Variants in RALGAPA2 observed in about 807,000 individuals in gnomAD.
RALGAPA2 encodes the protein ral GTPase-activating protein subunit alpha-2.
A neutral mutation model predicts 230.4 loss-of-function variants in RALGAPA2; 139 were observed. That is an observed-to-expected ratio of 0.60 (90% CI 0.53 to 0.69). RALGAPA2 has a LOEUF of 0.69. Ranked by LOEUF, RALGAPA2 falls within the 30% of genes least tolerant of loss-of-function variation. The pLI is 0.00. For synonymous variants in RALGAPA2, 847 were observed against 837.8 expected, an observed-to-expected ratio of 1.01 and a Z score of -0.19; for missense variants, 2,163 against 2,276.0, an observed-to-expected ratio of 0.95 and a Z score of 1.01.
At chr20:20,632,521 T>C (rs1568676928) in intron 9 of RALGAPA2, among the ~76,000 whole-genome samples, 1 of 152,228 alleles carries the variant, frequency 6.6e-6, no homozygotes, top group Admixed American at 6.5e-5. Context: ...TTTCAATAAA[T>C]ACAGGTGATG....
At chr20:20,550,194 C>T (rs896720860) in intron 23 of RALGAPA2, among the ~76,000 whole-genome samples, 5 of 152,124 alleles carry the variant, frequency 3.3e-5, no homozygotes, top group African/African-American at 7.2e-5. Context: ...TATGCCTCTG[C>T]GTACTCAGAA....
intron 2 of RALGAPA2, among the ~76,000 whole-genome samples, chr20:20,680,260 CAT>C (rs932610468): frequency 5.3e-5 from 8 of 152,126 alleles, no homozygotes; most frequent in Admixed American, 3.3e-4. Flanking sequence ...TAGTCACAAA[CAT>C]ATATAAACAT....
At chr20:20,674,007 G>A (rs2068231112) in intron 3 of RALGAPA2, among the ~76,000 whole-genome samples, 1 of 151,846 alleles carries the variant, frequency 6.6e-6, no homozygotes, top group South Asian at 2.1e-4. Flanking sequence ...AGACAACATA[G>A]GGAGACCCTA....
rs16981902 is a variant in RALGAPA2, at chr20:20,404,246, C to T, written c.5618-7512G>A. Among the ~76,000 whole-genome samples, 1,351 of 152,228 alleles carry T rather than the reference C, an allele frequency of 8.9e-3. 22 individuals carry two copies. The highest frequency in any genetic ancestry group is 0.031 in the African/African-American group (1,286 of 41,530). On this transcript the variant is annotated intron_variant, in intron 38 of 39. Coordinates refer to ENST00000202677, the MANE Select transcript of RALGAPA2 (RefSeq NM_020343.4). ...TTATTTCAAATGGATGGGCATGTTTCCCATTTTTAAGGGATTTTATTCCTT... is the reference window on the plus strand; with the variant it reads ...TTATTTCAAATGGATGGGCATGTTTTCCATTTTTAAGGGATTTTATTCCTT...
chr20:20,597,984 G>T (rs191361071), intron 16 of RALGAPA2, among the ~76,000 whole-genome samples: 13 of 152,170 alleles, frequency 8.5e-5, no homozygotes, highest in Admixed American at 7.9e-4. Context: ...ATAGACATAG[G>T]CCTAATTATT....
At chr20:20,438,551 T>C (rs1348981757) in intron 37 of RALGAPA2, among the ~76,000 whole-genome samples, 1 of 152,124 alleles carries the variant, frequency 6.6e-6, no homozygotes, top group Non-Finnish European at 1.5e-5. Flanking sequence ...GGTACAGCCC[T>C]CAGAGGCAGT....
chr20:20,615,317 C>T (rs1040819502), intron 13 of RALGAPA2, among the ~76,000 whole-genome samples: 26 of 152,062 alleles, frequency 1.7e-4, no homozygotes, highest in African/African-American at 6.3e-4. Flanking sequence ...AGTGCCACCA[C>T]ACCTGGCTAA....
intron 12 of RALGAPA2, among the ~76,000 whole-genome samples, chr20:20,618,198 T>C (rs1410611836): frequency 1.3e-5 from 2 of 152,152 alleles, no homozygotes; most frequent in African/African-American, 2.4e-5. Flanking sequence ...AAGCACTCTT[T>C]TGAACCAAGG....
chr20:20,490,207 A>G (rs561189475), intron 36 of RALGAPA2, among the ~76,000 whole-genome samples: 1 of 152,332 alleles, frequency 6.6e-6, no homozygotes, highest in African/African-American at 2.4e-5. Context: ...ACCGGACAAA[A>G]GGAATAATAC....
chr20:20,442,791 G>A (rs544351497), intron 37 of RALGAPA2, among the ~76,000 whole-genome samples: 2 of 152,316 alleles, frequency 1.3e-5, no homozygotes, highest in South Asian at 2.1e-4. Flanking sequence ...ACTTCTGTAC[G>A]AACAGACAGA....
intron 38 of RALGAPA2, among the ~76,000 whole-genome samples, chr20:20,409,114 C>T (rs889993510): frequency 5.3e-5 from 8 of 152,220 alleles, no homozygotes; most frequent in African/African-American, 1.9e-4. Flanking sequence ...CCAACCCACC[C>T]CCGCAGGGCT....
chr20:20,565,036 G>A (rs2064370267), intron 23 of RALGAPA2, among the ~76,000 whole-genome samples: 1 of 152,152 alleles, frequency 6.6e-6, no homozygotes, highest in Non-Finnish European at 1.5e-5. Context: ...CGGAACATCA[G>A]TTAGATCTTT....
At chr20:20,654,068 T>C (rs2067499594) in intron 3 of RALGAPA2, among the ~76,000 whole-genome samples, 1 of 152,198 alleles carries the variant, frequency 6.6e-6, no homozygotes, top group African/African-American at 2.4e-5. Context: ...ATGAAATTGG[T>C]GGCAAGAATT....
intron 38 of RALGAPA2, 123 bp downstream of exon 38, chr20:20,411,904 A>G (rs2060068137): frequency 7.9e-7 from 1 of 1,265,864 alleles, no homozygotes; most frequent in Non-Finnish European, 1.1e-6. Flanking sequence ...GATATTCATT[A>G]GTTGATTCAG....
intron 36 of RALGAPA2, among the ~76,000 whole-genome samples, chr20:20,480,357 C>T (rs1210468694): frequency 1.3e-5 from 2 of 152,224 alleles, no homozygotes; most frequent in Non-Finnish European, 2.9e-5. Flanking sequence ...GGCCTACCCA[C>T]ACAGCCTCCT....
At chr20:20,643,919 C>A (rs1439599180) in intron 4 of RALGAPA2, among the ~76,000 whole-genome samples, 3 of 152,006 alleles carry the variant, frequency 2.0e-5, no homozygotes, top group African/African-American at 7.2e-5. Flanking sequence ...GAACATTTTA[C>A]AAATACTTAG....
At chr20:20,527,715 T>C (rs1311162175) in intron 27 of RALGAPA2, among the ~76,000 whole-genome samples, 1 of 152,170 alleles carries the variant, frequency 6.6e-6, no homozygotes, top group African/African-American at 2.4e-5. Flanking sequence ...ACCTTTTTGT[T>C]TGTTATTTTC....
At chr20:20,635,333 ACT>A in intron 9 of RALGAPA2, 83 bp downstream of exon 9, 1 of 1,373,056 alleles carries the variant, frequency 7.3e-7, no homozygotes, top group South Asian at 1.3e-5. Context: ...AGAACCAATA[ACT>A]CTAACAATCA....
chr20:20,606,565 T>C (rs888689216), intron 14 of RALGAPA2, among the ~76,000 whole-genome samples: 1 of 152,138 alleles, frequency 6.6e-6, no homozygotes, highest in Non-Finnish European at 1.5e-5. Context: ...TGTTTCTGTA[T>C]AACTCCCCCT....
Sources: allele counts gnomAD v4.1 joint callset (sites outside exome capture counted in the v4.1 genomes callset), GRCh38; gene constraint gnomAD v4.1.1; transcripts MANE v1.5; gene names NCBI Gene and HGNC (gene_info 2026-07-23, HGNC 2026-07-21).